The following GALK2 variants were observed in gnomAD, a reference collection of about 807,000 sequenced individuals.
GALK2 encodes N-acetylgalactosamine kinase.
A neutral mutation model predicts 52.4 loss-of-function variants in GALK2; 36 were observed. The observed-to-expected ratio is 0.69, with a 90% CI of 0.53 to 0.91. GALK2 has a LOEUF of 0.91. Ranked by LOEUF, GALK2 falls within the 40% of genes least tolerant of loss-of-function variation. The pLI, the probability that GALK2 is intolerant of heterozygous loss-of-function variation, is 0.00. For missense variants in GALK2, 579 were observed against 559.1 expected (o/e 1.04, Z -0.36); for synonymous variants, 176 against 199.1 (o/e 0.88, Z 0.98).
chr15:49,289,464 A>C (rs1024633122), intron 7 of GALK2, among the ~76,000 whole-genome samples: 1 of 152,234 alleles, frequency 6.6e-6, no homozygotes, highest in African/African-American at 2.4e-5. Flanking sequence ...TCTTACCAGA[A>C]GACCCAGGGA....
rs569075730 is a variant in GALK2 at position 49,276,136 on chromosome 15, T to C, written c.505-5851T>C. On this transcript the variant is annotated intron_variant, in intron 5 of 9. Transcript: ENST00000560031. ...GTCTTCCCTAATGATTCTCAGTCAT[T>C]AGGGTTTTGAAAGAAGGGATAGAGA... 5.9e-5 allele frequency among the ~76,000 whole-genome samples: 9 copies of C among 152,296 alleles called. No homozygotes were observed. The East Asian group carries it at 1.7e-3, about 29-fold the overall frequency.
chr15:49,294,700 G>T (rs925599192), intron 8 of GALK2, among the ~76,000 whole-genome samples: 1 of 152,132 alleles, frequency 6.6e-6, no homozygotes, highest in African/African-American at 2.4e-5. Context: ...GTGTCTAATT[G>T]GGGGAGAGTG....
intron 1 of GALK2, among the ~76,000 whole-genome samples, chr15:49,183,393 T>C (rs1473292509): frequency 6.6e-6 from 1 of 152,228 alleles, no homozygotes; most frequent in African/African-American, 2.4e-5. Flanking sequence ...AATTTTTAAA[T>C]TTTCTTCTTA....
intron 2 of GALK2, among the ~76,000 whole-genome samples, chr15:49,203,944 G>A (rs909635833): frequency 5.9e-5 from 9 of 152,036 alleles, no homozygotes; most frequent in South Asian, 2.1e-4. Flanking sequence ...ATGAAACCTC[G>A]TCTCTGCTAA....
chr15:49,255,317 CATAAT>C (rs2091769541), intron 5 of GALK2, among the ~76,000 whole-genome samples: 1 of 143,066 alleles, frequency 7.0e-6, no homozygotes, highest in African/African-American at 2.5e-5. Context: ...AAATACTACT[CATAAT>C]AATACTCAGT....
At chr15:49,302,821 G>A (rs917534381) in intron 8 of GALK2, among the ~76,000 whole-genome samples, 2 of 152,182 alleles carry the variant, frequency 1.3e-5, no homozygotes, top group African/African-American at 4.8e-5. Flanking sequence ...CTTAAAATCT[G>A]TGAGATGGAC....
chr15:49,303,038 TTC>T (rs1288197914), intron 8 of GALK2, among the ~76,000 whole-genome samples: 11 of 152,182 alleles, frequency 7.2e-5, no homozygotes, highest in Non-Finnish European at 1.6e-4. Flanking sequence ...CCTTTTTTCT[TTC>T]TCTCTCTGCC....
At chr15:49,189,482 C>CT (rs1316729461) in intron 1 of GALK2, among the ~76,000 whole-genome samples, 4 of 152,062 alleles carry the variant, frequency 2.6e-5, no homozygotes, top group African/African-American at 9.7e-5. Context: ...ATGCTATTTG[C>CT]TTTTTTCCTA....
chr15:49,270,952 CAGGA>C (rs2141688937), intron 5 of GALK2, among the ~76,000 whole-genome samples: 1 of 152,224 alleles, frequency 6.6e-6, no homozygotes, highest in South Asian at 2.1e-4. Flanking sequence ...AAGAGTGGGA[CAGGA>C]CTGTTCTGCT....
downstream of GALK2, among the ~76,000 whole-genome samples, chr15:49,333,092 T>G (rs1254549207): frequency 1.3e-5 from 2 of 152,168 alleles, no homozygotes; most frequent in African/African-American, 4.8e-5. Flanking sequence ...CTCACTAAGT[T>G]AAAATCACTC....
At chr15:49,223,952 T>C (rs2089980336) in intron 3 of GALK2, among the ~76,000 whole-genome samples, 1 of 152,190 alleles carries the variant, frequency 6.6e-6, no homozygotes, top group South Asian at 2.1e-4. Context: ...TTTTAAGTTC[T>C]GTGAGGAAAC....
intron 1 of GALK2, among the ~76,000 whole-genome samples, chr15:49,157,893 T>C (rs369219633): frequency 3.1e-4 from 47 of 152,322 alleles, no homozygotes; most frequent in African/African-American, 1.1e-3. Context: ...CTCTTTGAGA[T>C]TGAATTTCTT....
chr15:49,343,456 A>T (rs2041039059), intron 3 of GALK2, among the ~76,000 whole-genome samples: 2 of 152,016 alleles, frequency 1.3e-5, no homozygotes. Context: ...CTTTCAACAC[A>T]CTCTAGTGCC....
intron 1 of GALK2, among the ~76,000 whole-genome samples, chr15:49,197,863 T>C (rs1043486239): frequency 3.7e-4 from 36 of 97,260 alleles, no homozygotes; most frequent in African/African-American, 1.3e-3. Flanking sequence ...TTTGTACTTA[T>C]ATTTTAAAAC....
chr15:49,317,552 T>G (rs1448485236), intron 8 of GALK2, among the ~76,000 whole-genome samples: 3 of 152,078 alleles, frequency 2.0e-5, no homozygotes, highest in Non-Finnish European at 4.4e-5. Context: ...AGCAATCCCA[T>G]TACTGGGTAT....
At chr15:49,195,315 C>T (rs921192546) in intron 1 of GALK2, 1 of 245,694 alleles carries the variant, frequency 4.1e-6, no homozygotes, top group South Asian at 3.7e-5. Context: ...TCATGATCCA[C>T]CCGCCTCGGC....
chr15:49,235,525 A>G, intron 3 of GALK2: 1 of 466,364 alleles, frequency 2.1e-6, no homozygotes, highest in Admixed American at 2.5e-5. Flanking sequence ...GGCCCAGAGG[A>G]TAAGCATTCA....
At chr15:49,193,733 T>A (rs1226819535) in intron 1 of GALK2, among the ~76,000 whole-genome samples, 1 of 151,554 alleles carries the variant, frequency 6.6e-6, no homozygotes, top group Admixed American at 6.6e-5. Flanking sequence ...TTTTTATTTT[T>A]ATTTTTTTTT....
At chr15:49,290,705 TG>T (rs1011327343) in intron 7 of GALK2, among the ~76,000 whole-genome samples, 2 of 152,356 alleles carry the variant, frequency 1.3e-5, no homozygotes, top group Non-Finnish European at 1.5e-5. Flanking sequence ...TTTCTTTTTT[TG>T]TTTGGAAGGA....
Sources: gnomAD v4.1 joint callset for allele counts (sites outside exome capture counted in the v4.1 genomes callset) on GRCh38, gnomAD v4.1.1 for gene constraint, MANE v1.5 for transcripts, NCBI Gene and HGNC (gene_info 2026-07-23, HGNC 2026-07-21) for gene names.